MYO5A: variants seen among roughly 807,000 people sequenced by gnomAD.
MYO5A encodes unconventional myosin-Va.
Under a neutral mutation model 249.7 loss-of-function variants are expected in MYO5A, and 98 were observed. The observed-to-expected ratio is 0.39, with a 90% CI of 0.33 to 0.46. The LOEUF is 0.46. Ranked by LOEUF, MYO5A falls within the 20% of genes least tolerant of loss-of-function variation. The pLI, the probability that MYO5A is intolerant of heterozygous loss-of-function variation, is 0.98. For synonymous variants in MYO5A, 778 were observed against 810.6 expected (o/e 0.96, Z 0.68); for missense variants, 1,696 against 2,308.8 (o/e 0.73, Z 5.44).
chr15:52,319,423 T>G, intron 38 of MYO5A, 81 bp from the exon 39 acceptor site: 1 of 1,469,408 alleles, frequency 6.8e-7, no homozygotes, highest in Non-Finnish European at 9.5e-7. Flanking sequence ...CACAAACACA[T>G]GCACATTCAA....
intron 1 of MYO5A, among the ~76,000 whole-genome samples, chr15:52,440,678 G>T (rs1040705660): frequency 6.6e-6 from 1 of 152,198 alleles, no homozygotes; most frequent in African/African-American, 2.4e-5. Context: ...TGTCTGTCAA[G>T]GAACACTGAG....
chr15:52,346,997 TTAAG>T (rs1488509257), intron 29 of MYO5A, among the ~76,000 whole-genome samples: 6 of 151,954 alleles, frequency 3.9e-5, no homozygotes, highest in Non-Finnish European at 5.9e-5. Context: ...TTCAGCAAAA[TTAAG>T]TTTTTTTTCT....
chr15:52,487,379 G>C (rs1021749549), intron 1 of MYO5A, among the ~76,000 whole-genome samples: 2 of 151,656 alleles, frequency 1.3e-5, no homozygotes, highest in Non-Finnish European at 2.9e-5. Context: ...TCACACCACT[G>C]AACTCCAGCC....
intron 1 of MYO5A, among the ~76,000 whole-genome samples, chr15:52,462,925 C>T (rs1029782101): frequency 6.6e-6 from 1 of 151,952 alleles, no homozygotes; most frequent in African/African-American, 2.4e-5. Flanking sequence ...CACTTTGCTT[C>T]CCTTAAATCT....
At chr15:52,393,130 T>C (rs1054406630) in intron 11 of MYO5A, among the ~76,000 whole-genome samples, 2 of 152,218 alleles carry the variant, frequency 1.3e-5, no homozygotes, top group Non-Finnish European at 2.9e-5. Context: ...TAATGACTGC[T>C]ACTCATTCTT....
chr15:52,472,564 G>C (rs999718519), intron 1 of MYO5A, among the ~76,000 whole-genome samples: 2 of 151,910 alleles, frequency 1.3e-5, no homozygotes, highest in African/African-American at 4.8e-5. Context: ...CGCACAACAG[G>C]CCCCGGTGTG....
chr15:52,399,651 T>C (rs1379181071), intron 9 of MYO5A, among the ~76,000 whole-genome samples: 1 of 152,116 alleles, frequency 6.6e-6, no homozygotes, highest in Non-Finnish European at 1.5e-5. Flanking sequence ...CTGAAACTTT[T>C]TTTTCTTTTT....
At chr15:52,488,499 T>A (rs527994187) in intron 1 of MYO5A, among the ~76,000 whole-genome samples, 1 of 152,208 alleles carries the variant, frequency 6.6e-6, no homozygotes, top group Non-Finnish European at 1.5e-5. Flanking sequence ...CTGCTGGTGC[T>A]AGTCCCTAGA....
At chr15:52,344,375 C>A (rs1016960512) in intron 30 of MYO5A, among the ~76,000 whole-genome samples, 1 of 152,176 alleles carries the variant, frequency 6.6e-6, no homozygotes, top group Non-Finnish European at 1.5e-5. Flanking sequence ...CTTCACTGTG[C>A]ATTTCCCCAC....
Position 52,359,964 on chromosome 15 carries a change from G to C in MYO5A, c.3423+4C>G, listed in dbSNP as rs750809098. On this transcript the variant is annotated splice_donor_region_variant and intron_variant, in intron 25 of 41. Coordinates refer to ENST00000399233, the MANE Select transcript of MYO5A (RefSeq NM_001382347.1). The stretch of plus-strand genomic sequence containing the variant: ...ACTTTCAGTGACAGATGTCTAAACT[G>C]TACCTCTGTCCTTGATGGAATGTCT... The C allele has an allele frequency of 4.4e-6, 7 of 1,580,792 alleles. No individual in the cohort carries two copies. Among genetic ancestry groups the C allele is most frequent in the African/African-American group, 1.4e-5 (1 of 73,954 alleles).
At chr15:52,447,754 T>G (rs972567204) in intron 1 of MYO5A, among the ~76,000 whole-genome samples, 2 of 152,254 alleles carry the variant, frequency 1.3e-5, no homozygotes, top group African/African-American at 4.8e-5. Context: ...AGGTCACTCA[T>G]GCTATGCTTT....
At chr15:52,343,281 G>A (rs2039465162) in intron 30 of MYO5A, 84 bp from the exon 31 acceptor site, 1 of 1,092,008 alleles carries the variant, frequency 9.2e-7, no homozygotes, top group South Asian at 1.3e-5. Flanking sequence ...GCAGCATGCA[G>A]TATTTCAACA....
At chr15:52,488,811 A>C (rs1455148976) in intron 1 of MYO5A, among the ~76,000 whole-genome samples, 4 of 152,228 alleles carry the variant, frequency 2.6e-5, no homozygotes, top group Non-Finnish European at 5.9e-5. Context: ...TCAAAATAAA[A>C]AGTTTAAAAA....
chr15:52,327,386 G>T (rs1197835073), intron 36 of MYO5A, among the ~76,000 whole-genome samples: 2 of 152,192 alleles, frequency 1.3e-5, no homozygotes, highest in African/African-American at 4.8e-5. Flanking sequence ...GTTCAAGGAA[G>T]AATGTTTCTT....
Position 52,343,117 on chromosome 15 carries a change from C to T in MYO5A, c.4040G>A (p.Arg1347Lys), listed in dbSNP as rs547661146. The T allele has an allele frequency of 5.6e-6, 9 of 1,609,156 alleles. No homozygotes were observed. The East Asian group carries it at 2.0e-4, about 36-fold the overall frequency. Residue 1347 changes from arginine to lysine, a missense_variant and splice_region_variant, in exon 31 of 42, where the codon AGG becomes AAG. Coordinates refer to ENST00000399233, the MANE Select transcript of MYO5A (RefSeq NM_001382347.1). ...LVYEGLKQAN[R>K]LLESQLQSQK... ...TCCATTTTGAGGAGACAAATATAAC[C>T]TGTTGGCTTGTTTTAACCCTTCATA...
intron 1 of MYO5A, among the ~76,000 whole-genome samples, chr15:52,450,853 T>TTTTTTTTTTTGTTTTTTG (rs2076004930): frequency 6.8e-6 from 1 of 146,952 alleles, no homozygotes; most frequent in African/African-American, 2.5e-5. Context: ...GTTTTTTTTT[T>TTTTTTTTTTTGTTTTTTG]TTTTTTTTTT....
At chr15:52,339,282 C>T (rs1342547006) in intron 32 of MYO5A, among the ~76,000 whole-genome samples, 1 of 152,072 alleles carries the variant, frequency 6.6e-6, no homozygotes. Context: ...AGAGAAAATT[C>T]ATACTATTTT....
In MYO5A at chr15:52,382,376, A is replaced by G. The variant is rs1200632862; in HGVS notation, c.2012+715T>C. 3.3e-5 allele frequency among the ~76,000 whole-genome samples: 5 copies of G among 152,294 alleles called. 1 individual carries two copies. In the South Asian group the frequency reaches 8.3e-4, roughly 25 times the overall value. Reference sequence around the variant, plus strand: ...ATCACGAAGTCAGGAGTTCAAGACCAGCCTGGCCAAGATGATGAAACCCTG... The same window carrying G: ...ATCACGAAGTCAGGAGTTCAAGACCGGCCTGGCCAAGATGATGAAACCCTG... On this transcript the variant is annotated intron_variant, in intron 16 of 41. Transcript: ENST00000399233.
chr15:52,500,737 T>A (rs2141580382), intron 1 of MYO5A, among the ~76,000 whole-genome samples: 1 of 152,234 alleles, frequency 6.6e-6, no homozygotes, highest in African/African-American at 2.4e-5. Context: ...TTTCTTTTAT[T>A]TGTAGCCTTT....
Sources: gnomAD v4.1 joint callset for allele counts (sites outside exome capture counted in the v4.1 genomes callset) on GRCh38, gnomAD v4.1.1 for gene constraint, MANE v1.5 for transcripts, NCBI Gene and HGNC (gene_info 2026-07-23, HGNC 2026-07-21) for gene names.